C12orf42: variants seen among roughly 807,000 people sequenced by gnomAD.
C12orf42 encodes the protein uncharacterized protein C12orf42.
A neutral mutation model predicts 21.6 loss-of-function variants in C12orf42; 25 were observed. The ratio of observed to expected loss-of-function variants is 1.16; its 90% CI spans 0.84 to 1.62. The LOEUF is 1.62. Among genes scored for constraint, C12orf42 ranks in the 40% most tolerant of loss-of-function variants. The pLI is 0.00. For synonymous variants in C12orf42, 174 were observed against 175.0 expected, an observed-to-expected ratio of 0.99 and a Z score of 0.05; for missense variants, 483 against 459.3, an observed-to-expected ratio of 1.05 and a Z score of -0.47.
At chr12:103,193,608 A>G in the C12orf42 span, among the ~76,000 whole-genome samples, 596 of 152,230 alleles carry the variant, frequency 3.9e-3, 2 homozygotes, top group African/African-American at 0.013. Context: ...AAATGTATAA[A>G]TTCCTAGAAA....
chr12:103,438,349 A>C (rs952222726), intron 2 of C12orf42, among the ~76,000 whole-genome samples: 2 of 152,102 alleles, frequency 1.3e-5, no homozygotes, highest in African/African-American at 4.8e-5. Flanking sequence ...ACTGGCACAA[A>C]ACAGGGATGC....
At chr12:103,083,118 A>T in the C12orf42 span, among the ~76,000 whole-genome samples, 4 of 152,286 alleles carry the variant, frequency 2.6e-5, no homozygotes, top group African/African-American at 4.8e-5. Context: ...TAATTCCAAC[A>T]CTTTGGGAGG....
At chr12:103,497,188 T>C (rs1955583675), upstream of C12orf42, among the ~76,000 whole-genome samples, 1 of 152,178 alleles carries the variant, frequency 6.6e-6, no homozygotes, top group Admixed American at 6.5e-5. Context: ...GAGAGAAAAG[T>C]CAACTATCAA....
intron 2 of C12orf42, among the ~76,000 whole-genome samples, chr12:103,437,831 A>G (rs1452015171): frequency 7.4e-6 from 1 of 135,912 alleles, no homozygotes; most frequent in African/African-American, 2.7e-5. Flanking sequence ...AGAGGTACAA[A>G]GAGGAGCTGG....
At chr12:103,493,140 G>A (rs987745425) in intron 1 of C12orf42, among the ~76,000 whole-genome samples, 1 of 152,126 alleles carries the variant, frequency 6.6e-6, no homozygotes, top group African/African-American at 2.4e-5. Context: ...CAGAGGTAGT[G>A]GTGATAAAAT....
the C12orf42 span, among the ~76,000 whole-genome samples, chr12:103,221,720 ACAAACCCATC>A: frequency 6.6e-6 from 1 of 152,302 alleles, no homozygotes; most frequent in South Asian, 2.1e-4. Context: ...ATGGCCGTGG[ACAAACCCATC>A]CTTCAGTAAG....
At chr12:103,104,248 G>A in the C12orf42 span, among the ~76,000 whole-genome samples, 4 of 152,038 alleles carry the variant, frequency 2.6e-5, no homozygotes, top group Non-Finnish European at 5.9e-5. Flanking sequence ...ACGCATACAC[G>A]TATTGATGAA....
At chr12:103,328,189 C>A (rs1371200038) in intron 4 of C12orf42, among the ~76,000 whole-genome samples, 6 of 152,030 alleles carry the variant, frequency 3.9e-5, no homozygotes, top group Non-Finnish European at 7.4e-5. Flanking sequence ...ATAGTTCCAG[C>A]AAAAATGCAA....
chr12:103,395,429 G>A (rs569965069), intron 3 of C12orf42, among the ~76,000 whole-genome samples: 6 of 150,842 alleles, frequency 4.0e-5, no homozygotes, highest in African/African-American at 9.7e-5. Context: ...TCCGCCTCCC[G>A]GGTTCACGCC....
chr12:103,397,971 C>A (rs1468661174), intron 3 of C12orf42, among the ~76,000 whole-genome samples: 1 of 152,140 alleles, frequency 6.6e-6, no homozygotes, highest in Non-Finnish European at 1.5e-5. Context: ...ATGGACACCC[C>A]AAACACACTG....
downstream of C12orf42, among the ~76,000 whole-genome samples, chr12:103,236,405 G>A (rs79683177): frequency 5.4e-4 from 82 of 152,296 alleles, no homozygotes; most frequent in African/African-American, 1.9e-3. Context: ...TCAATGAGCT[G>A]TTGATTTACC....
rs1350523334 is a variant in C12orf42, at chr12:103,302,103, A to T, written c.*5T>A. 1 of 1,606,748 alleles carries T rather than the reference A, an allele frequency of 6.2e-7. No individual in the cohort carries two copies. Among genetic ancestry groups the T allele is most frequent in the Admixed American group, 1.7e-5 (1 of 59,058 alleles). ...AGCACTCGCCGAACAATTCCCTCGC[A>T]GCGGTCAATGTAAGTGAGCATTCAC... On this transcript the variant is annotated 3_prime_UTR_variant, in exon 6 of 6. Coordinates refer to ENST00000548883, the MANE Select transcript of C12orf42 (RefSeq NM_198521.5).
At chr12:103,203,207 CTG>C in the C12orf42 span, among the ~76,000 whole-genome samples, 466 of 152,304 alleles carry the variant, frequency 3.1e-3, 2 homozygotes, top group African/African-American at 0.011. Context: ...GCCCTTCCCT[CTG>C]TGTCACTCAT....
chr12:103,302,678 A>AAT (rs2037836480), intron 5 of C12orf42, 119 bp from the exon 6 acceptor site: 26 of 749,150 alleles, frequency 3.5e-5, no homozygotes, highest in Middle Eastern at 4.0e-4. Flanking sequence ...TCAGAGGGGA[A>AAT]AGAAAAAAAA....
chr12:103,275,410 A>C (rs985622577), intron 5 of C12orf42, among the ~76,000 whole-genome samples: 3 of 152,162 alleles, frequency 2.0e-5, no homozygotes, highest in Admixed American at 2.0e-4. Context: ...CAAAAAACTT[A>C]AATGCACAAA....
chr12:103,367,765 T>C (rs912631788), intron 4 of C12orf42, among the ~76,000 whole-genome samples: 1 of 151,996 alleles, frequency 6.6e-6, no homozygotes, highest in African/African-American at 2.4e-5. Flanking sequence ...GTAAATGTAT[T>C]ATCCCCCCCC....
At chr12:103,318,098 A>G (rs1356491660) in intron 4 of C12orf42, among the ~76,000 whole-genome samples, 2 of 152,080 alleles carry the variant, frequency 1.3e-5, no homozygotes, top group Admixed American at 1.3e-4. Flanking sequence ...GGCCAGCCTG[A>G]GCAACATGGC....
chr12:103,407,491 T>C (rs1477702442), intron 2 of C12orf42, among the ~76,000 whole-genome samples: 2 of 152,202 alleles, frequency 1.3e-5, no homozygotes, highest in Non-Finnish European at 2.9e-5. Flanking sequence ...TCACTTCTAC[T>C]TAACAAATAG....
chr12:103,303,348 T>C (rs930673845), intron 5 of C12orf42, among the ~76,000 whole-genome samples: 1 of 151,928 alleles, frequency 6.6e-6, no homozygotes, highest in African/African-American at 2.4e-5. Flanking sequence ...TCAAGATTTA[T>C]ATAAATACAT....
Sources: allele counts gnomAD v4.1 joint callset (sites outside exome capture counted in the v4.1 genomes callset), GRCh38; gene constraint gnomAD v4.1.1; transcripts MANE v1.5; gene names NCBI Gene and HGNC (gene_info 2026-07-23, HGNC 2026-07-21).